The following DOK1 variants were observed in gnomAD, a reference collection of about 807,000 sequenced individuals.
DOK1 encodes the protein Downstream of tyrosine kinase 1.
DOK1 carries 12 observed loss-of-function variants against 24.0 expected under a neutral mutation model. That is an observed-to-expected ratio of 0.50 (90% confidence interval 0.32 to 0.81). The LOEUF (loss-of-function observed/expected upper bound fraction) is 0.81, where lower values mean the gene tolerates loss of function less well. Ranked by LOEUF, DOK1 falls within the 30% of genes least tolerant of loss-of-function variation. DOK1 has a pLI of 0.03. For missense variants in DOK1, 591 were observed against 620.7 expected (o/e 0.95, Z 0.51); for synonymous variants, 250 against 260.9 (o/e 0.96, Z 0.40).
chr2:74,555,992 C>T lies in DOK1; in HGVS notation c.553C>T (p.Leu185Phe), dbSNP rs139592271. ...GAGGGTGGAGGCTGAAAGGCTGACT[C>T]TCCTGACCGTGGGGGCCCAGAGTCA... ...VLRVEAERLTLLTVGAQSQIL... is the reference protein window; with the variant it reads ...VLRVEAERLTFLTVGAQSQIL... The change falls in exon 4 of 5, where the codon CTC (leucine) becomes TTC (phenylalanine). Residue 185 changes from leucine (L) to phenylalanine (F), a missense_variant. Coordinates refer to ENST00000233668, the MANE Select transcript of DOK1 (RefSeq NM_001381.5). The surrounding 1 kb of genome is among the most constrained non-coding windows in gnomAD (Gnocchi z 6.1). 5 of 1,613,834 alleles carry T rather than the reference C, an allele frequency of 3.1e-6. No homozygotes were observed. The highest frequency in any genetic ancestry group is 3.4e-6 in the Non-Finnish European group (4 of 1,179,944).
chr2:74,549,195 G>C lies in DOK1; in HGVS notation c.-358+23G>C. The C allele has an allele frequency of 1.5e-6, 1 of 675,818 alleles. No homozygotes were observed. Among genetic ancestry groups the C allele is most frequent in the East Asian group, 3.1e-5 (1 of 32,230 alleles). 41.9% of individuals were successfully genotyped at this position (675,818 alleles called of 1,614,324 possible). On this transcript the variant is annotated intron_variant, in intron 1 of 4. Coordinates refer to the DOK1 transcript ENST00000409429. The surrounding 1 kb of genome is among the most constrained non-coding windows in gnomAD (Gnocchi z 5.3). Reference sequence around the variant, plus strand: ...CAGGTACTCCCTTGGGGCACCTTTCGTGGTCCCACAAGATTTCCCAACTCT... The same window carrying C: ...CAGGTACTCCCTTGGGGCACCTTTCCTGGTCCCACAAGATTTCCCAACTCT...
Position 74,549,408 on chromosome 2 carries a change from C to G in DOK1, c.-358+236C>G, listed in dbSNP as rs1479059838. ...GTTGACCCTCTTTTCGCTGGGGAAGCCCAGCATCCCGCAGACCACGTGGCT... is the reference window on the plus strand; with the variant it reads ...GTTGACCCTCTTTTCGCTGGGGAAGGCCAGCATCCCGCAGACCACGTGGCT... On this transcript the variant is annotated intron_variant, in intron 1 of 4. Coordinates refer to the DOK1 transcript ENST00000409429. The surrounding 1 kb of genome is among the most constrained non-coding windows in gnomAD (Gnocchi z 5.3). The G allele has an allele frequency of 6.2e-7, 1 of 1,612,028 alleles. No individual in the cohort carries two copies. Among genetic ancestry groups the G allele is most frequent in the Admixed American group, 1.7e-5 (1 of 59,892 alleles).
Position 74,556,281 on chromosome 2 carries a change from ATG to A in DOK1, c.640-23_640-22del, listed in dbSNP as rs763728632. 3 of 1,596,590 alleles carry A rather than the reference ATG, an allele frequency of 1.9e-6. No individual in the cohort carries two copies. The highest frequency in any genetic ancestry group is 1.7e-6 in the Non-Finnish European group (2 of 1,169,070). On this transcript the variant is annotated intron_variant, in intron 4 of 4. Transcript: ENST00000233668. This position sits in a 1 kb window ranked among gnomAD's most constrained non-coding sequence, Gnocchi z 4.1. ...TCACTTCCTCTGATGGCTCCTGGTA[ATG>A]TGTTTCCCCCTCTACCCTCCTTAGG...
upstream of DOK1, chr2:74,549,907 A>T (rs1180362708): frequency 1.0e-6 from 1 of 985,358 alleles, no homozygotes; most frequent in Admixed American, 6.1e-5. The surrounding 1 kb of genome is among the most constrained non-coding windows in gnomAD (Gnocchi z 5.3). Context: ...GTCTCAGGAA[A>T]GCAGGAACAT....
In DOK1 at chr2:74,555,850, C is replaced by T. The variant is rs1308347669; in HGVS notation, c.455-44C>T. 3.8e-6 allele frequency: 6 copies of T among 1,585,088 alleles called. No homozygotes were observed. In the Admixed American group the frequency reaches 5.2e-5, roughly 14 times the overall value. Reference sequence around the variant, plus strand: ...GAGTCCTCTGGGTCCCCACTGCTGCCCCCGTCCCTCCCCCGCAGCTGTCTA... The same window carrying T: ...GAGTCCTCTGGGTCCCCACTGCTGCTCCCGTCCCTCCCCCGCAGCTGTCTA... On this transcript the variant is annotated intron_variant, in intron 3 of 4. Coordinates refer to ENST00000233668, the MANE Select transcript of DOK1 (RefSeq NM_001381.5). The surrounding 1 kb of genome is among the most constrained non-coding windows in gnomAD (Gnocchi z 6.1).
rs757914361 is a variant in DOK1 at position 74,549,321 on chromosome 2, G to A, written c.-358+149G>A. ...ATGTCTCCCAAGGCTATTCATCAGGGAGCACCCCAATCCCGGCCTGCTCCG... is the reference window on the plus strand; with the variant it reads ...ATGTCTCCCAAGGCTATTCATCAGGAAGCACCCCAATCCCGGCCTGCTCCG... On this transcript the variant is annotated intron_variant, in intron 1 of 4. Transcript: ENST00000409429. This position sits in a 1 kb window ranked among gnomAD's most constrained non-coding sequence, Gnocchi z 5.3. 4.0e-6 allele frequency: 6 copies of A among 1,512,654 alleles called. No individual in the cohort carries two copies. The highest frequency in any genetic ancestry group is 1.2e-5 in the South Asian group (1 of 80,398). The allele number at this position is 1,512,654 out of a possible 1,614,324, so 93.7% of individuals were successfully genotyped here. A position where few individuals can be genotyped will look rare whatever the true frequency, so the allele number is the denominator to read the frequency against.
rs1677541787 is a variant in DOK1 at position 74,557,144 on chromosome 2, G to A, written c.*30G>A. On this transcript the variant is annotated 3_prime_UTR_variant, in exon 5 of 5. Transcript: ENST00000233668. ...GACGGCAAGGCTGAGGTGGCTAAGG[G>A]GGACCATGGGGAGGTGGCACTAGGG... 3 of 1,574,066 alleles carry A rather than the reference G, an allele frequency of 1.9e-6. No individual in the cohort carries two copies. The highest frequency in any genetic ancestry group is 2.3e-5 in the South Asian group (2 of 87,210).
upstream of DOK1, chr2:74,554,633 C>A: frequency 2.2e-6 from 2 of 902,850 alleles, no homozygotes; most frequent in South Asian, 3.3e-5. The surrounding 1 kb of genome is among the most constrained non-coding windows in gnomAD (Gnocchi z 4.9). Flanking sequence ...CCACCGCGAC[C>A]CCCCCAGCGG....
upstream of DOK1, chr2:74,552,325 T>G: frequency 5.6e-6 from 9 of 1,597,312 alleles, no homozygotes; most frequent in Non-Finnish European, 7.7e-6. Flanking sequence ...TGCTCACCTG[T>G]TCCAGGGCCA....
chr2:74,552,702 A>C, upstream of DOK1: 1 of 1,396,588 alleles, frequency 7.2e-7, no homozygotes, highest in South Asian at 1.5e-5. Flanking sequence ...TGGGGCCCAG[A>C]GTCAGAAAGA....
upstream of DOK1, chr2:74,549,802 G>A (rs1411406145): frequency 6.4e-6 from 9 of 1,413,748 alleles, no homozygotes; most frequent in East Asian, 1.5e-4. This position sits in a 1 kb window ranked among gnomAD's most constrained non-coding sequence, Gnocchi z 5.3. Context: ...AGAGGATTCA[G>A]GGCACTAGGA....
chr2:74,556,193 C>T lies in DOK1; in HGVS notation c.639+115C>T. On this transcript the variant is annotated intron_variant, in intron 4 of 4. Coordinates refer to ENST00000233668, the MANE Select transcript of DOK1 (RefSeq NM_001381.5). This position sits in a 1 kb window ranked among gnomAD's most constrained non-coding sequence, Gnocchi z 4.1. ...TCCCCCTTTCTTGCCTACCCGGTGACCCCGCGTCTGTTCGCAGGTGGTCTC... is the reference window on the plus strand; with the variant it reads ...TCCCCCTTTCTTGCCTACCCGGTGATCCCGCGTCTGTTCGCAGGTGGTCTC... The T allele has an allele frequency of 6.5e-7, 1 of 1,534,504 alleles. No individual in the cohort carries two copies.
In DOK1 at chr2:74,557,093, C is replaced by A; in HGVS notation, c.1425C>A (p.Val475=). ...LSRVGTDKTG[V]KSEGST Reference sequence around the variant, plus strand: ...GAGTAGGGACTGACAAGACTGGGGTCAAGTCAGAGGGCTCTACCTGAGAAG... The same window carrying A: ...GAGTAGGGACTGACAAGACTGGGGTAAAGTCAGAGGGCTCTACCTGAGAAG... The change falls in exon 5 of 5, where the codon GTC becomes GTA. Residue 475 remains valine, a synonymous_variant. Transcript: ENST00000233668. 6.2e-7 allele frequency: 1 copy of A among 1,611,204 alleles called. No individual in the cohort carries two copies. Among genetic ancestry groups the A allele is most frequent in the Non-Finnish European group, 8.5e-7 (1 of 1,178,226 alleles).
chr2:74,555,745 C>T lies in DOK1; in HGVS notation c.454+77C>T. 4 of 1,603,422 alleles carry T rather than the reference C, an allele frequency of 2.5e-6. No individual in the cohort carries two copies. The highest frequency in any genetic ancestry group is 2.7e-5 in the African/African-American group (2 of 74,670). On this transcript the variant is annotated intron_variant, in intron 3 of 4. Transcript: ENST00000233668. This position sits in a 1 kb window ranked among gnomAD's most constrained non-coding sequence, Gnocchi z 6.1. Reference sequence around the variant, plus strand: ...AGGGCCTTTGGGAAGTGGGTGGATACCCAGGGGCCCATGGGGAAGTAAGAA... The same window carrying T: ...AGGGCCTTTGGGAAGTGGGTGGATATCCAGGGGCCCATGGGGAAGTAAGAA...
rs1302897961 is a variant in DOK1 at position 74,556,132 on chromosome 2, G to T, written c.639+54G>T. On this transcript the variant is annotated intron_variant, in intron 4 of 4. Coordinates refer to ENST00000233668, the MANE Select transcript of DOK1 (RefSeq NM_001381.5). This position sits in a 1 kb window ranked among gnomAD's most constrained non-coding sequence, Gnocchi z 4.1. ...GGGTTGGGCAGCTGTGGGAGGGGTG[G>T]GGCAGGACAGAAAGTGGGAAGCTCT... 5.9e-6 allele frequency: 9 copies of T among 1,538,214 alleles called. No individual in the cohort carries two copies. The highest frequency in any genetic ancestry group is 7.0e-6 in the Non-Finnish European group (8 of 1,142,006).
At chr2:74,552,802 A>G, upstream of DOK1, 1 of 653,654 alleles carries the variant, frequency 1.5e-6, no homozygotes, top group Non-Finnish European at 2.6e-6. Context: ...GGACCAAGAG[A>G]CAGGGAGAGA....
chr2:74,557,373 T>G lies in DOK1; in HGVS notation c.*259T>G. The G allele has an allele frequency of 4.5e-6, 2 of 443,084 alleles. No homozygotes were observed. The highest frequency in any genetic ancestry group is 8.2e-6 in the Non-Finnish European group (2 of 245,044). The allele number at this position is 443,084 out of a possible 1,614,324, so 27.4% of individuals were successfully genotyped here. ...CTACTTCCCCAAATGAAGGGACGGC[T>G]GTGGGACCAGGTCTGTGGAAAGTGG... On this transcript the variant is annotated 3_prime_UTR_variant, in exon 5 of 5. Coordinates refer to ENST00000233668, the MANE Select transcript of DOK1 (RefSeq NM_001381.5).
chr2:74,551,363 C>A (rs999429534), upstream of DOK1, among the ~76,000 whole-genome samples: 1 of 152,232 alleles, frequency 6.6e-6, no homozygotes, highest in African/African-American at 2.4e-5. Context: ...TGCGGAGACA[C>A]CTAGCTCCTG....
chr2:74,552,990 G>C (rs1336817558), upstream of DOK1: 1 of 251,626 alleles, frequency 4.0e-6, no homozygotes, highest in Admixed American at 5.2e-5. Context: ...TGAGAGGAAG[G>C]GAGACTGTGG....
Sources: allele counts gnomAD v4.1 joint callset (sites outside exome capture counted in the v4.1 genomes callset), GRCh38; gene constraint gnomAD v4.1.1; non-coding constraint Gnocchi (gnomAD v3.1); transcripts MANE v1.5; gene names NCBI Gene and HGNC (gene_info 2026-07-23, HGNC 2026-07-21).